NHS: variants seen among roughly 807,000 people sequenced by gnomAD.
The protein encoded by NHS is actin remodeling regulator NHS.
In NHS, 5 loss-of-function variants were observed where a neutral mutation model predicts 72.5. That is an observed-to-expected ratio of 0.07 (90% CI 0.04 to 0.14). The LOEUF (loss-of-function observed/expected upper bound fraction) is 0.14. Among genes scored for constraint, NHS ranks in the 10% least tolerant of loss-of-function variants. The pLI is 1.00. For synonymous variants in NHS, 464 were observed against 547.7 expected (o/e 0.85, Z 2.13); for missense variants, 1,072 against 1,355.7 (o/e 0.79, Z 3.29).
intron 1 of NHS, among the ~76,000 whole-genome samples, chrX:17,434,819 C>T (rs368768339): frequency 2.0e-4 from 22 of 111,813 alleles, no homozygotes; most frequent in African/African-American, 6.5e-4. Context: ...GCAAGCAATA[C>T]CCAGAAGCAG....
At chrX:17,397,715 G>A (rs2064483476) in intron 1 of NHS, among the ~76,000 whole-genome samples, 1 of 112,182 alleles carries the variant, frequency 8.9e-6, no homozygotes, top group Admixed American at 9.4e-5. Flanking sequence ...TTATTCATGT[G>A]CTCATTGATT....
At chrX:17,670,854 C>T (rs1166391844) in intron 1 of NHS, among the ~76,000 whole-genome samples, 2 of 112,033 alleles carry the variant, frequency 1.8e-5, no homozygotes, top group Admixed American at 9.4e-5. Context: ...AAATAACACA[C>T]AAAAAAGTAC....
intron 1 of NHS, among the ~76,000 whole-genome samples, chrX:17,537,046 C>T (rs1166203412): frequency 8.9e-6 from 1 of 111,841 alleles, no homozygotes; most frequent in Non-Finnish European, 1.9e-5. Flanking sequence ...CAAAGTCTTG[C>T]CAGATGGAAA....
At chrX:17,484,168 C>A (rs866688486) in intron 1 of NHS, among the ~76,000 whole-genome samples, 1 of 112,224 alleles carries the variant, frequency 8.9e-6, no homozygotes, top group African/African-American at 3.2e-5. Context: ...ATTTTAAAAG[C>A]CAGTTGTTTA....
chrX:17,651,221 CTT>C (rs2065929326), intron 1 of NHS, among the ~76,000 whole-genome samples: 1 of 110,517 alleles, frequency 9.0e-6, no homozygotes, highest in Non-Finnish European at 1.9e-5. Context: ...TCACTGGAGA[CTT>C]AAACTCTGGG....
At chrX:17,664,820 A>G (rs2066002111) in intron 1 of NHS, among the ~76,000 whole-genome samples, 1 of 111,675 alleles carries the variant, frequency 9.0e-6, no homozygotes, top group Admixed American at 9.5e-5. Context: ...ACAATGTTGT[A>G]TCTTCAGGCC....
At chrX:17,512,165 A>G (rs1026601737) in intron 1 of NHS, among the ~76,000 whole-genome samples, 4 of 111,846 alleles carry the variant, frequency 3.6e-5, no homozygotes, top group African/African-American at 9.8e-5. Context: ...CTGCTATAAC[A>G]TGACAAATGA....
intron 1 of NHS, among the ~76,000 whole-genome samples, chrX:17,423,638 C>T (rs2064635190): frequency 8.9e-6 from 1 of 111,761 alleles, no homozygotes; most frequent in Admixed American, 9.5e-5. Flanking sequence ...TCTGGCAATT[C>T]TATCTGTCAC....
chrX:17,521,365 T>G (rs2065147551), intron 1 of NHS, among the ~76,000 whole-genome samples: 1 of 104,890 alleles, frequency 9.5e-6, no homozygotes, highest in Admixed American at 9.9e-5. Flanking sequence ...CTCCCTTCCC[T>G]CTTTTTTTTT....
chrX:17,447,406 T>A (rs980207663), intron 1 of NHS, among the ~76,000 whole-genome samples: 1 of 110,473 alleles, frequency 9.1e-6, no homozygotes, highest in Non-Finnish European at 1.9e-5. Flanking sequence ...ATTTTTTTTT[T>A]CCCCCCTCTT....
At chrX:17,650,929 C>T (rs763385143) in intron 1 of NHS, among the ~76,000 whole-genome samples, 41 of 111,958 alleles carry the variant, frequency 3.7e-4, no homozygotes, top group Admixed American at 3.6e-3. Context: ...GAATCTGTAT[C>T]GTGGAGTCCC....
chrX:17,562,687 T>C (rs1444519756), intron 1 of NHS, among the ~76,000 whole-genome samples: 1 of 112,030 alleles, frequency 8.9e-6, no homozygotes, highest in East Asian at 2.8e-4. Context: ...TTTGGAATAA[T>C]AAACAAAGAA....
chrX:17,478,698 T>G (rs924495781), intron 1 of NHS, among the ~76,000 whole-genome samples: 2 of 111,304 alleles, frequency 1.8e-5, no homozygotes, highest in Admixed American at 1.9e-4. Context: ...GGGAAGGATC[T>G]CAAAGAATTC....
intron 1 of NHS, among the ~76,000 whole-genome samples, chrX:17,456,140 T>G (rs747272971): frequency 1.1e-4 from 12 of 111,918 alleles, no homozygotes; most frequent in Admixed American, 4.7e-4. Context: ...TATAATATGT[T>G]TTTTTGCCCA....
intron 1 of NHS, among the ~76,000 whole-genome samples, chrX:17,388,438 G>A (rs928662111): frequency 1.8e-5 from 2 of 110,922 alleles, no homozygotes; most frequent in African/African-American, 6.6e-5. Context: ...TGGCATTTGA[G>A]CAAAGATTGG....
At chrX:17,664,701 C>G (rs5955685) in intron 1 of NHS, among the ~76,000 whole-genome samples, 17,937 of 111,741 alleles carry the variant, frequency 0.16, 2,355 homozygotes, top group African/African-American at 0.42. Flanking sequence ...TGTGCATTTT[C>G]ATATACATTT....
At chrX:17,520,033 A>T (rs1050581863) in intron 1 of NHS, among the ~76,000 whole-genome samples, 7 of 106,102 alleles carry the variant, frequency 6.6e-5, no homozygotes, top group African/African-American at 2.4e-4. Context: ...GTTTCCAGGA[A>T]CTAGTTCTTG....
At chrX:17,394,763 A>G (rs1191685140) in intron 1 of NHS, among the ~76,000 whole-genome samples, 1 of 109,015 alleles carries the variant, frequency 9.2e-6, no homozygotes, top group Non-Finnish European at 1.9e-5. Flanking sequence ...AGTTTTTGGA[A>G]GATCGCTGAT....
At chrX:17,479,996 G>A (rs747139603) in intron 1 of NHS, among the ~76,000 whole-genome samples, 1 of 111,269 alleles carries the variant, frequency 9.0e-6, no homozygotes, top group Non-Finnish European at 1.9e-5. Flanking sequence ...GTATTGCCTA[G>A]GTTTTCTTCT....
Sources: gnomAD v4.1 joint callset for allele counts (sites outside exome capture counted in the v4.1 genomes callset) on GRCh38, gnomAD v4.1.1 for gene constraint, MANE v1.5 for transcripts, NCBI Gene and HGNC (gene_info 2026-07-23, HGNC 2026-07-21) for gene names.